The following LRFN5 variants were observed in gnomAD, a reference collection of about 807,000 sequenced individuals.
LRFN5 encodes the protein leucine rich repeat and fibronectin type III domain containing 5.
LRFN5 carries 24 observed loss-of-function variants against 45.6 expected under a neutral mutation model. That is an observed-to-expected ratio of 0.53 (90% CI 0.38 to 0.74). The LOEUF (loss-of-function observed/expected upper bound fraction) is 0.74. LRFN5 is among the 30% of genes least tolerant of loss of function. The pLI is 0.00. For synonymous variants in LRFN5, 340 were observed against 313.8 expected (o/e 1.08, Z -0.88); for missense variants, 776 against 861.5 (o/e 0.90, Z 1.24).
chr14:41,870,125 A>C (rs1158373136), intron 2 of LRFN5, among the ~76,000 whole-genome samples: 1 of 152,036 alleles, frequency 6.6e-6, no homozygotes, highest in Non-Finnish European at 1.5e-5. Context: ...GGCCTGGTTG[A>C]GTTTTCATTT....
chr14:41,715,732 C>T (rs1054782666), intron 1 of LRFN5, among the ~76,000 whole-genome samples: 2 of 152,176 alleles, frequency 1.3e-5, no homozygotes, highest in Admixed American at 1.3e-4. Context: ...GTGTCTGTGG[C>T]TTTTTCAAGT....
intron 3 of LRFN5, 37 bp downstream of exon 3, chr14:41,888,047 C>T (rs775053383): frequency 3.4e-6 from 5 of 1,473,046 alleles, no homozygotes; most frequent in Admixed American, 2.0e-5. Flanking sequence ...ACTTACCATG[C>T]ATCTTAGTGT....
intron 2 of LRFN5, among the ~76,000 whole-genome samples, chr14:41,884,050 A>G (rs371070331): frequency 6.0e-4 from 91 of 152,134 alleles, no homozygotes; most frequent in African/African-American, 2.1e-3. Context: ...GCTCTTTTTC[A>G]ATAACTCTCT....
At chr14:41,781,592 GAAA>G (rs1566437089) in intron 2 of LRFN5, among the ~76,000 whole-genome samples, 4 of 89,822 alleles carry the variant, frequency 4.5e-5, no homozygotes, top group Non-Finnish European at 8.9e-5. Flanking sequence ...AAGAAAGAAA[GAAA>G]GAAAGAAAGA....
chr14:41,608,157 G>C lies in LRFN5; in HGVS notation c.-602G>C, dbSNP rs568980900. ...TTCGAAGCCAATCGTGAGAAGGACC[G>C]GTTCCCTCCGTGCTGCTTCCTCCCC... On this transcript the variant is annotated 5_prime_UTR_variant, in exon 1 of 6. Coordinates refer to ENST00000298119, the MANE Select transcript of LRFN5 (RefSeq NM_152447.5). The C allele has an allele frequency of 5.4e-4, 82 of 152,770 alleles. No homozygotes were observed. The highest frequency in any genetic ancestry group is 1.9e-3 in the African/African-American group (79 of 41,556). The allele number at this position is 152,770 out of a possible 1,614,324, so 9.5% of individuals were successfully genotyped here.
chr14:41,827,836 A>T (rs1888349758), intron 2 of LRFN5, among the ~76,000 whole-genome samples: 1 of 152,034 alleles, frequency 6.6e-6, no homozygotes, highest in African/African-American at 2.4e-5. Flanking sequence ...TTTGGGAACT[A>T]GTTCTCATTT....
Position 41,759,492 on chromosome 14 carries a change from CACACACAGAG to C in LRFN5, c.-196-7360_-196-7351del, listed in dbSNP as rs746374486. ...ACACACACACACACACACACACACA[CACACACAGAG>C]AGAGCACCAGAAAACAGCATTTTAT... On this transcript the variant is annotated intron_variant, in intron 1 of 5. Coordinates refer to ENST00000298119, the MANE Select transcript of LRFN5 (RefSeq NM_152447.5). 1.2e-3 allele frequency among the ~76,000 whole-genome samples: 98 copies of C among 84,630 alleles called. 1 individual carries two copies. Among genetic ancestry groups the C allele is most frequent in the African/African-American group, 4.7e-3 (79 of 16,694 alleles). 55.5% of individuals were successfully genotyped at this position (84,630 alleles called of 152,430 possible).
chr14:41,671,103 A>C (rs892168890), intron 1 of LRFN5, among the ~76,000 whole-genome samples: 2 of 151,984 alleles, frequency 1.3e-5, no homozygotes, highest in Non-Finnish European at 2.9e-5. Flanking sequence ...CTTGTAAAGG[A>C]AATTTATTTT....
chr14:41,626,419 G>C (rs1283662943), intron 1 of LRFN5, among the ~76,000 whole-genome samples: 1 of 152,018 alleles, frequency 6.6e-6, no homozygotes, highest in Non-Finnish European at 1.5e-5. Context: ...GGCTGCTAAT[G>C]GGAATTTCAC....
chr14:41,842,923 T>A (rs902503814), intron 2 of LRFN5, among the ~76,000 whole-genome samples: 1 of 152,076 alleles, frequency 6.6e-6, no homozygotes, highest in Non-Finnish European at 1.5e-5. Context: ...TCGAATGAAG[T>A]ATTTGATCAA....
rs556993401 is a variant in LRFN5 at position 41,771,335 on chromosome 14, A to G, written c.-21+4306A>G. ...ATTAGCTCATGGCGTCCTTCTGGTCACGCATGCCTCTCTAGCACATGGTTG... is the reference window on the plus strand; with the variant it reads ...ATTAGCTCATGGCGTCCTTCTGGTCGCGCATGCCTCTCTAGCACATGGTTG... On this transcript the variant is annotated intron_variant, in intron 2 of 5. Transcript: ENST00000298119. Among the ~76,000 whole-genome samples, 11 of 151,976 alleles carry G rather than the reference A, an allele frequency of 7.2e-5. No individual in the cohort carries two copies. The East Asian group carries it at 2.2e-3, about 30-fold the overall frequency.
At chr14:41,721,464 C>T (rs1019534002) in intron 1 of LRFN5, among the ~76,000 whole-genome samples, 7 of 152,082 alleles carry the variant, frequency 4.6e-5, no homozygotes, top group African/African-American at 1.2e-4. Flanking sequence ...CTTATAGGCT[C>T]TGTGGACTAT....
intron 2 of LRFN5, among the ~76,000 whole-genome samples, chr14:41,800,240 T>C (rs539643634): frequency 1.3e-5 from 2 of 152,184 alleles, no homozygotes; most frequent in South Asian, 4.1e-4. Context: ...GCAGGACTTA[T>C]GTTTGGTTGA....
At chr14:41,669,235 G>T (rs1052005314) in intron 1 of LRFN5, among the ~76,000 whole-genome samples, 4 of 151,654 alleles carry the variant, frequency 2.6e-5, no homozygotes, top group African/African-American at 9.7e-5. Flanking sequence ...TAATCTTGCA[G>T]TTGTATAACT....
rs540137819 is a variant in LRFN5, at chr14:41,644,826, AG to A, written c.-197+36265del. Reference sequence around the variant, plus strand: ...GAAATTCTGGGAGAATCTTGGCTGAAGATGTGGGTTTCTCTTCTGCAAAGAA... The same window carrying A: ...GAAATTCTGGGAGAATCTTGGCTGAAATGTGGGTTTCTCTTCTGCAAAGAA... On this transcript the variant is annotated intron_variant, in intron 1 of 5. Transcript: ENST00000298119. 9.8e-5 allele frequency among the ~76,000 whole-genome samples: 15 copies of A among 152,346 alleles called. No homozygotes were observed. In the South Asian group the frequency reaches 2.7e-3, roughly 27 times the overall value.
At chr14:41,702,991 T>A (rs1346608269) in intron 1 of LRFN5, among the ~76,000 whole-genome samples, 1 of 152,206 alleles carries the variant, frequency 6.6e-6, no homozygotes, top group East Asian at 1.9e-4. Flanking sequence ...CAAATTCGAA[T>A]GTGTGACAAT....
chr14:41,648,507 A>T (rs1879927950), intron 1 of LRFN5, among the ~76,000 whole-genome samples: 1 of 152,212 alleles, frequency 6.6e-6, no homozygotes, highest in African/African-American at 2.4e-5. Context: ...GCCAATTGAA[A>T]AATAAAATGG....
chr14:41,635,988 A>G (rs527709833), intron 1 of LRFN5, among the ~76,000 whole-genome samples: 104 of 152,114 alleles, frequency 6.8e-4, no homozygotes, highest in Middle Eastern at 3.2e-3. Context: ...TTTGGGGTCT[A>G]TTTCATTCAA....
At chr14:41,853,131 A>T (rs1594466615) in intron 2 of LRFN5, among the ~76,000 whole-genome samples, 1 of 152,022 alleles carries the variant, frequency 6.6e-6, no homozygotes, top group East Asian at 1.9e-4. Context: ...ACTGTCTCCA[A>T]ATTTAAGAAT....
Sources: gnomAD v4.1 joint callset for allele counts (sites outside exome capture counted in the v4.1 genomes callset) on GRCh38, gnomAD v4.1.1 for gene constraint, MANE v1.5 for transcripts, NCBI Gene and HGNC (gene_info 2026-07-23, HGNC 2026-07-21) for gene names.